Variants in FBXL7 observed in about 807,000 individuals in gnomAD.
FBXL7 encodes the protein F-box/LRR-repeat protein 7.
Under a neutral mutation model 38.3 loss-of-function variants are expected in FBXL7, and 12 were observed. The observed-to-expected ratio is 0.31, with a 90% CI of 0.20 to 0.51. The LOEUF is 0.51. FBXL7 is among the 20% of genes least tolerant of loss of function. The pLI, the probability that FBXL7 is intolerant of heterozygous loss-of-function variation, is 0.98. For missense variants in FBXL7, 567 were observed against 676.4 expected (o/e 0.84, Z 1.79); for synonymous variants, 297 against 300.9 (o/e 0.99, Z 0.13).
intron 2 of FBXL7, among the ~76,000 whole-genome samples, chr5:15,754,859 G>A (rs569065326): frequency 6.6e-6 from 1 of 152,170 alleles, no homozygotes; most frequent in Non-Finnish European, 1.5e-5. Context: ...CACCCACAAG[G>A]TTTTCAAGTA....
chr5:15,629,759 C>T (rs1740938859), intron 2 of FBXL7, among the ~76,000 whole-genome samples: 1 of 152,086 alleles, frequency 6.6e-6, no homozygotes. Flanking sequence ...ATTTAATACA[C>T]ATTTGATAAA....
intron 2 of FBXL7, among the ~76,000 whole-genome samples, chr5:15,883,328 T>C (rs1298620839): frequency 6.6e-6 from 1 of 152,172 alleles, no homozygotes. Flanking sequence ...TAATTTTTGT[T>C]TTTTCTGGAA....
intron 2 of FBXL7, among the ~76,000 whole-genome samples, chr5:15,795,453 C>T (rs1319906657): frequency 6.6e-6 from 1 of 152,166 alleles, no homozygotes; most frequent in Non-Finnish European, 1.5e-5. Flanking sequence ...TTGTCAGAAG[C>T]TGATGCAGTT....
chr5:15,897,994 C>A (rs913475467), intron 2 of FBXL7, among the ~76,000 whole-genome samples: 6 of 152,200 alleles, frequency 3.9e-5, no homozygotes, highest in African/African-American at 1.4e-4. Flanking sequence ...AGCCAGCATG[C>A]AAATGCGATA....
intron 1 of FBXL7, chr5:15,607,347 CT>C (rs1740060547): frequency 6.6e-6 from 1 of 152,206 alleles, no homozygotes; most frequent in African/African-American, 2.4e-5. Flanking sequence ...TGCGTATGAT[CT>C]GGAATAGATA....
chr5:15,705,996 T>C (rs112132928), intron 2 of FBXL7, among the ~76,000 whole-genome samples: 8 of 152,144 alleles, frequency 5.3e-5, no homozygotes, highest in Non-Finnish European at 8.8e-5. Flanking sequence ...ATATTCTAGG[T>C]AGAGAAGGAG....
intron 2 of FBXL7, among the ~76,000 whole-genome samples, chr5:15,742,173 A>G (rs1346473334): frequency 6.6e-6 from 1 of 152,206 alleles, no homozygotes; most frequent in Non-Finnish European, 1.5e-5. Context: ...AGAAATACAA[A>G]TAGTTTGGTC....
At chr5:15,540,629 C>T (rs1489135869) in intron 1 of FBXL7, among the ~76,000 whole-genome samples, 1 of 152,160 alleles carries the variant, frequency 6.6e-6, no homozygotes, top group East Asian at 1.9e-4. Flanking sequence ...CCCTGGGTGG[C>T]TTATAGACAT....
intron 2 of FBXL7, among the ~76,000 whole-genome samples, chr5:15,752,483 A>G (rs956183447): frequency 6.6e-6 from 1 of 152,180 alleles, no homozygotes; most frequent in African/African-American, 2.4e-5. Context: ...GAAATAGTCA[A>G]CAGACCTCAG....
intron 2 of FBXL7, among the ~76,000 whole-genome samples, chr5:15,736,501 C>T (rs1735752896): frequency 6.6e-6 from 1 of 152,084 alleles, no homozygotes; most frequent in Admixed American, 6.6e-5. Context: ...AATAACAAAT[C>T]CACATAAATC....
At chr5:15,912,684 T>C (rs1741469399) in intron 2 of FBXL7, among the ~76,000 whole-genome samples, 1 of 152,042 alleles carries the variant, frequency 6.6e-6, no homozygotes, top group Non-Finnish European at 1.5e-5. Flanking sequence ...GTATGACAAG[T>C]TCTGAAAACT....
In FBXL7 at chr5:15,927,764, T is replaced by TAAA. The variant is rs753935096; in HGVS notation, c.128-105_128-103dup. On this transcript the variant is annotated intron_variant, in intron 2 of 3. Transcript: ENST00000504595. ...CACTCCCGCCTGGGCGACAAGATCTTAAAAAAAAAAAAAAAAAAAAAAAGA... is the reference window on the plus strand; with the variant it reads ...CACTCCCGCCTGGGCGACAAGATCTTAAAAAAAAAAAAAAAAAAAAAAAAAAGA... 2.1e-3 allele frequency: 975 copies of TAAA among 455,542 alleles called. 3 individuals are homozygous for TAAA. The highest frequency in any genetic ancestry group is 3.5e-3 in the South Asian group (36 of 10,292). The allele number at this position is 455,542 out of a possible 1,614,324, so 28.2% of individuals were successfully genotyped here. A position where few individuals can be genotyped will look rare whatever the true frequency, so the allele number is the denominator to read the frequency against.
chr5:15,500,346 A>C lies in FBXL7; in HGVS notation c.-331A>C, dbSNP rs1736453941. ...CACCGGAGGGGATCGGGGCGGGCGG[A>C]TGGGGACCCGGCGGCGGCGGCGCGG... is the stretch of plus-strand genomic sequence containing the variant. On this transcript the variant is annotated 5_prime_UTR_variant, in exon 1 of 4. It removes an upstream start codon present in the reference 5' UTR. Transcript: ENST00000504595. 1 of 153,016 alleles carries C rather than the reference A, an allele frequency of 6.5e-6. No homozygotes were observed. Among genetic ancestry groups the C allele is most frequent in the African/African-American group, 2.4e-5 (1 of 41,098 alleles). 9.5% of individuals were successfully genotyped at this position (153,016 alleles called of 1,614,324 possible). A position where few individuals can be genotyped will look rare whatever the true frequency, so the allele number is the denominator to read the frequency against.
intron 2 of FBXL7, among the ~76,000 whole-genome samples, chr5:15,692,722 T>C (rs1462376668): frequency 6.6e-6 from 1 of 152,190 alleles, no homozygotes; most frequent in East Asian, 1.9e-4. Context: ...TAGGGGTTGT[T>C]ATTCGTACAT....
chr5:15,728,163 T>C (rs374095705), intron 2 of FBXL7, among the ~76,000 whole-genome samples: 6 of 152,300 alleles, frequency 3.9e-5, no homozygotes, highest in African/African-American at 1.4e-4. Context: ...GTCAGCACTT[T>C]AAGATAACTG....
At chr5:15,591,518 T>G (rs575809390) in intron 1 of FBXL7, among the ~76,000 whole-genome samples, 6 of 151,948 alleles carry the variant, frequency 3.9e-5, no homozygotes, top group Admixed American at 1.3e-4. Context: ...AATATTCTTG[T>G]TAAAGGTTTG....
At chr5:15,503,717 C>T (rs1201384261) in intron 1 of FBXL7, among the ~76,000 whole-genome samples, 1 of 152,288 alleles carries the variant, frequency 6.6e-6, no homozygotes, top group African/African-American at 2.4e-5. Context: ...AATTAAATTC[C>T]TTTAAATTTA....
chr5:15,796,468 T>C (rs1737418605), intron 2 of FBXL7, among the ~76,000 whole-genome samples: 1 of 117,530 alleles, frequency 8.5e-6, no homozygotes, highest in Admixed American at 7.9e-5. Flanking sequence ...TTACCACCCA[T>C]CTTGTTACAG....
At chr5:15,568,758 A>T (rs1295767058) in intron 1 of FBXL7, among the ~76,000 whole-genome samples, 1 of 152,102 alleles carries the variant, frequency 6.6e-6, no homozygotes, top group Admixed American at 6.5e-5. Flanking sequence ...TCTTGAATTA[A>T]TTTTTGTATA....
Sources: allele counts gnomAD v4.1 joint callset (sites outside exome capture counted in the v4.1 genomes callset), GRCh38; gene constraint gnomAD v4.1.1; transcripts MANE v1.5; gene names NCBI Gene and HGNC (gene_info 2026-07-23, HGNC 2026-07-21).